PSMD12: variants seen among roughly 807,000 people sequenced by gnomAD.
PSMD12 encodes the protein 26S proteasome non-ATPase regulatory subunit 12.
PSMD12 carries 8 observed loss-of-function variants against 62.9 expected under a neutral mutation model. The ratio of observed to expected loss-of-function variants is 0.13; its 90% confidence interval spans 0.07 to 0.23. The LOEUF (loss-of-function observed/expected upper bound fraction) is 0.23. Among genes scored for constraint, PSMD12 ranks in the 10% least tolerant of loss-of-function variants. PSMD12 has a pLI of 1.00. For synonymous variants in PSMD12, 173 were observed against 187.4 expected (o/e 0.92, Z 0.63); for missense variants, 424 against 550.2 (o/e 0.77, Z 2.29).
chr17:67,357,159 A>G (rs1443622053), intron 3 of PSMD12, 144 bp downstream of exon 3: 3 of 832,540 alleles, frequency 3.6e-6, no homozygotes, highest in East Asian at 5.6e-5. Flanking sequence ...TATCATTGTG[A>G]GAATGTAGAC....
rs1405865663 is a variant in PSMD12 at position 67,349,411 on chromosome 17, T to C, written c.406-757A>G. ...GTACAAATACAGCTGTGAGACATTT[T>C]ATATTTCACAAATATAGCCATAATT... is the stretch of plus-strand genomic sequence containing the variant. On this transcript the variant is annotated intron_variant, in intron 4 of 10. Coordinates refer to ENST00000356126, the MANE Select transcript of PSMD12 (RefSeq NM_002816.5). 5.9e-5 allele frequency among the ~76,000 whole-genome samples: 9 copies of C among 152,374 alleles called. No homozygotes were observed. The East Asian group carries it at 1.5e-3, about 26-fold the overall frequency.
chr17:67,363,848 G>C (rs1422633471), intron 1 of PSMD12, among the ~76,000 whole-genome samples: 1 of 152,082 alleles, frequency 6.6e-6, no homozygotes, highest in Non-Finnish European at 1.5e-5. Context: ...CCAGGAGTTT[G>C]AGACCATCCT....
intron 1 of PSMD12, among the ~76,000 whole-genome samples, chr17:67,363,971 A>C (rs2042157224): frequency 6.6e-6 from 1 of 151,904 alleles, no homozygotes; most frequent in Non-Finnish European, 1.5e-5. Context: ...ATCGCTTGAA[A>C]CCGGGAGGTG....
chr17:67,358,337 G>A (rs2042096070), intron 1 of PSMD12, among the ~76,000 whole-genome samples: 1 of 152,038 alleles, frequency 6.6e-6, no homozygotes. Context: ...GGAGACCGAA[G>A]GGGGCAGATA....
At chr17:67,345,662 G>C (rs1166661789) in intron 8 of PSMD12, 83 bp downstream of exon 8, 1 of 1,101,674 alleles carries the variant, frequency 9.1e-7, no homozygotes, top group African/African-American at 1.6e-5. Flanking sequence ...AGTATACACA[G>C]AAGTATACAC....
At chr17:67,356,710 T>C (rs2042078288) in intron 3 of PSMD12, among the ~76,000 whole-genome samples, 1 of 151,340 alleles carries the variant, frequency 6.6e-6, no homozygotes, top group African/African-American at 2.4e-5. Flanking sequence ...AACAAAACCA[T>C]TTAAAATAAT....
rs771093191 is a variant in PSMD12, at chr17:67,345,718, T to C, written c.908+27A>G. 2.6e-6 allele frequency: 4 copies of C among 1,554,604 alleles called. No homozygotes were observed. The African/African-American group carries it at 4.1e-5, about 16-fold the overall frequency. On this transcript the variant is annotated intron_variant, in intron 8 of 10. Transcript: ENST00000356126. Reference sequence around the variant, plus strand: ...TCAAAATGGTGTTTCGACTGAGATATATCATGCTAATTTCAAAAGTACTTA... The same window carrying C: ...TCAAAATGGTGTTTCGACTGAGATACATCATGCTAATTTCAAAAGTACTTA...
At chr17:67,358,465 G>A (rs1137864) in intron 1 of PSMD12, among the ~76,000 whole-genome samples, 45,053 of 150,448 alleles carry the variant, frequency 0.3, 6,811 homozygotes, top group African/African-American at 0.32. Context: ...CTACTCTGGA[G>A]GCTGAAGTGG....
intron 3 of PSMD12, among the ~76,000 whole-genome samples, chr17:67,356,211 G>C (rs1180259470): frequency 6.6e-6 from 1 of 152,006 alleles, no homozygotes; most frequent in African/African-American, 2.4e-5. Flanking sequence ...TTTAGTCAAG[G>C]AGAGAAATCT....
chr17:67,343,159 A>C (rs949184441), intron 9 of PSMD12, among the ~76,000 whole-genome samples: 1 of 152,120 alleles, frequency 6.6e-6, no homozygotes, highest in South Asian at 2.1e-4. Flanking sequence ...AAATGAACTC[A>C]ATCTTTGAAG....
At chr17:67,350,845 TTC>T (rs1402794406) in intron 3 of PSMD12, among the ~76,000 whole-genome samples, 2 of 152,200 alleles carry the variant, frequency 1.3e-5, no homozygotes. Context: ...AGCACTAACA[TTC>T]TATGATCCAG....
At position 67,348,458 on chromosome 17, in the gene PSMD12, C is replaced by T. The variant is rs113113944; in HGVS notation, c.510+92G>A. The T allele has an allele frequency of 3.9e-6, 4 of 1,023,672 alleles. No individual in the cohort carries two copies. The East Asian group carries it at 9.7e-5, about 25-fold the overall frequency. The allele number at this position is 1,023,672 out of a possible 1,614,324, so 63.4% of individuals were successfully genotyped here. On this transcript the variant is annotated intron_variant, in intron 5 of 10. Transcript: ENST00000356126. Reference sequence around the variant, plus strand: ...ATCCAAAATAATTATTGGTCCCAAACATTTTGGATAAGGGATACTCAACCT... The same window carrying T: ...ATCCAAAATAATTATTGGTCCCAAATATTTTGGATAAGGGATACTCAACCT...
chr17:67,340,757 GA>G lies in PSMD12; in HGVS notation c.*85del, dbSNP rs2041905835. On this transcript the variant is annotated 3_prime_UTR_variant, in exon 11 of 11. Transcript: ENST00000356126. ...TTAAAATTTAAGACAAAGAAGCTTA[GA>G]AAAAAAACCCCAACATATACACCAT... 9 of 1,092,754 alleles carry G rather than the reference GA, an allele frequency of 8.2e-6. No homozygotes were observed. The highest frequency in any genetic ancestry group is 3.7e-5 in the South Asian group (2 of 53,948). 67.7% of individuals were successfully genotyped at this position (1,092,754 alleles called of 1,614,324 possible). A position where few individuals can be genotyped will look rare whatever the true frequency, so the allele number is the denominator to read the frequency against.
chr17:67,345,487 C>T, intron 8 of PSMD12: 1 of 347,474 alleles, frequency 2.9e-6, no homozygotes, highest in East Asian at 6.0e-5. Context: ...ACTAAAAATA[C>T]AAAAATTAGC....
At chr17:67,363,910 G>A (rs1165097443) in intron 1 of PSMD12, among the ~76,000 whole-genome samples, 4 of 152,152 alleles carry the variant, frequency 2.6e-5, no homozygotes, top group East Asian at 1.9e-4. Context: ...TAAGCTGGAC[G>A]TAGTGGTGCA....
intron 1 of PSMD12, among the ~76,000 whole-genome samples, chr17:67,359,096 C>G (rs1567960445): frequency 6.6e-6 from 1 of 152,156 alleles, no homozygotes; most frequent in South Asian, 2.1e-4. Flanking sequence ...GTCTCACGCA[C>G]TGTAATCCCA....
chr17:67,366,253 C>T (rs1236494691), intron 1 of PSMD12, among the ~76,000 whole-genome samples, 159 bp downstream of exon 1: 1 of 152,212 alleles, frequency 6.6e-6, no homozygotes, highest in Non-Finnish European at 1.5e-5. Context: ...CAGCCCTGGC[C>T]GGGCCGACCT....
intron 1 of PSMD12, among the ~76,000 whole-genome samples, chr17:67,358,035 C>T (rs556635711): frequency 3.3e-5 from 5 of 152,188 alleles, no homozygotes; most frequent in African/African-American, 7.2e-5. Context: ...GATTCTCATG[C>T]CTCAGCCTCC....
At chr17:67,354,206 C>T (rs1285719721) in intron 3 of PSMD12, among the ~76,000 whole-genome samples, 2 of 152,048 alleles carry the variant, frequency 1.3e-5, no homozygotes, top group East Asian at 1.9e-4. Flanking sequence ...CTTAAGCTCA[C>T]GAATTAGAGG....
Sources: allele counts gnomAD v4.1 joint callset (sites outside exome capture counted in the v4.1 genomes callset), GRCh38; gene constraint gnomAD v4.1.1; transcripts MANE v1.5; gene names NCBI Gene and HGNC (gene_info 2026-07-23, HGNC 2026-07-21).